GDAP1: variants seen among roughly 807,000 people sequenced by gnomAD.
GDAP1 encodes the protein ganglioside-induced differentiation-associated protein 1.
A neutral mutation model predicts 40.1 loss-of-function variants in GDAP1; 34 were observed. That is an observed-to-expected ratio of 0.85 (90% CI 0.64 to 1.13). GDAP1 has a LOEUF of 1.13. GDAP1 is among the 50% of genes most tolerant of loss of function. The pLI is 0.00. For missense variants in GDAP1, 374 were observed against 433.7 expected (o/e 0.86, Z 1.22); for synonymous variants, 170 against 157.4 (o/e 1.08, Z -0.60).
At chr8:74,356,702 G>GTATATATATATA (rs1165545008) in intron 2 of GDAP1, among the ~76,000 whole-genome samples, 1 of 68,172 alleles carries the variant, frequency 1.5e-5, no homozygotes, top group African/African-American at 5.7e-5. Context: ...TTGTGTGTGT[G>GTATATATATATA]TATATATATA....
chr8:74,407,343 G>A (rs1805653462), intron 2 of GDAP1, among the ~76,000 whole-genome samples: 1 of 149,818 alleles, frequency 6.7e-6, no homozygotes, highest in African/African-American at 2.6e-5. Context: ...GTTGCCAGAG[G>A]AAATTAACAT....
At chr8:74,355,928 A>G (rs1409110022) in intron 2 of GDAP1, among the ~76,000 whole-genome samples, 1 of 152,130 alleles carries the variant, frequency 6.6e-6, no homozygotes, top group Non-Finnish European at 1.5e-5. Context: ...AAATTTATAG[A>G]TACAATGTTA....
At chr8:74,457,233 C>T (rs1257068685) in intron 2 of GDAP1, among the ~76,000 whole-genome samples, 1 of 152,004 alleles carries the variant, frequency 6.6e-6, no homozygotes, top group Non-Finnish European at 1.5e-5. Context: ...GTACCCTTTC[C>T]GCAGATCATT....
In GDAP1 at chr8:74,364,348, C is replaced by A; in HGVS notation, c.1058C>A (p.Pro353His). ...GGCAGCATGATATTAGCATTTAGAC[C>A]CAGACCAAATTATTTCTAGGTTTGT... ...RLGSMILAFR[P>H]RPNYF The change falls in exon 6 of 6, where the codon CCC becomes CAC. Residue 353 changes from proline (P) to histidine (H), a missense_variant. Transcript: ENST00000220822. 2 of 1,613,760 alleles carry A rather than the reference C, an allele frequency of 1.2e-6. No individual in the cohort carries two copies. The highest frequency in any genetic ancestry group is 8.5e-7 in the Non-Finnish European group (1 of 1,179,940).
In GDAP1 at chr8:74,365,293, C is replaced by A. The variant is rs1487448268; in HGVS notation, c.*926C>A. 2 of 454,072 alleles carry A rather than the reference C, an allele frequency of 4.4e-6. No individual in the cohort carries two copies. The highest frequency in any genetic ancestry group is 8.8e-6 in the Non-Finnish European group (2 of 226,782). The allele number at this position is 454,072 out of a possible 1,614,324, so 28.1% of individuals were successfully genotyped here. ...TCTTTCATCTGTTTATGATCATCAA[C>A]AAAGACTTGTTAGAAAGGTCTAGTC... On this transcript the variant is annotated 3_prime_UTR_variant, in exon 6 of 6. Transcript: ENST00000220822.
chr8:74,406,708 A>C (rs1220791642), intron 2 of GDAP1, among the ~76,000 whole-genome samples: 1 of 150,022 alleles, frequency 6.7e-6, no homozygotes, highest in Non-Finnish European at 1.5e-5. Flanking sequence ...TAAATGGTGA[A>C]GTTTGCATAG....
At chr8:74,357,123 A>G (rs1387568552) in intron 2 of GDAP1, among the ~76,000 whole-genome samples, 1 of 152,240 alleles carries the variant, frequency 6.6e-6, no homozygotes. Context: ...ATACAGTCTA[A>G]GTAAAATAAA....
At chr8:74,401,126 T>C (rs1810326236) in intron 2 of GDAP1, among the ~76,000 whole-genome samples, 2 of 149,374 alleles carry the variant, frequency 1.3e-5, no homozygotes, top group South Asian at 4.2e-4. Context: ...GAAGTTCTCC[T>C]GGATAATATC....
At chr8:74,432,279 C>T (rs1300305304) in intron 2 of GDAP1, among the ~76,000 whole-genome samples, 1 of 152,172 alleles carries the variant, frequency 6.6e-6, no homozygotes, top group Non-Finnish European at 1.5e-5. Flanking sequence ...TTGGATTTCT[C>T]ACTTGCTGAG....
intron 2 of GDAP1, among the ~76,000 whole-genome samples, chr8:74,482,757 C>A (rs949469853): frequency 6.6e-6 from 1 of 152,122 alleles, no homozygotes; most frequent in Non-Finnish European, 1.5e-5. Context: ...AATATTTGAG[C>A]CTGTGATTCT....
chr8:74,364,523 CA>C lies in GDAP1; in HGVS notation c.*158del. 1 of 778,218 alleles carries C rather than the reference CA, an allele frequency of 1.3e-6. No individual in the cohort carries two copies. The highest frequency in any genetic ancestry group is 2.2e-6 in the Non-Finnish European group (1 of 452,044). The allele number at this position is 778,218 out of a possible 1,614,324, so 48.2% of individuals were successfully genotyped here. A position where few individuals can be genotyped will look rare whatever the true frequency, so the allele number is the denominator to read the frequency against. On this transcript the variant is annotated 3_prime_UTR_variant, in exon 6 of 6. Transcript: ENST00000220822. The stretch of plus-strand genomic sequence containing the variant: ...TTACACAACACAGGGGTTCAGGTAG[CA>C]ATAGGACACAAAATTGCTTTATTCT...
intron 2 of GDAP1, among the ~76,000 whole-genome samples, chr8:74,439,417 A>G (rs888721081): frequency 6.6e-6 from 1 of 151,868 alleles, no homozygotes; most frequent in Non-Finnish European, 1.5e-5. Context: ...AAATTTTCGT[A>G]TGTGTGTAGG....
chr8:74,372,863 T>A (rs1451279868), intron 2 of GDAP1, among the ~76,000 whole-genome samples: 6 of 152,186 alleles, frequency 3.9e-5, no homozygotes, highest in Admixed American at 1.3e-4. Flanking sequence ...CTGAATGGTA[T>A]TGCCTAGGTT....
intron 5 of GDAP1, among the ~76,000 whole-genome samples, chr8:74,363,264 G>A (rs1449252887): frequency 6.6e-6 from 1 of 152,158 alleles, no homozygotes; most frequent in African/African-American, 2.4e-5. Flanking sequence ...GGATTTTTCT[G>A]CATAATTTAA....
intron 2 of GDAP1, among the ~76,000 whole-genome samples, chr8:74,482,745 G>A (rs1445745320): frequency 6.6e-6 from 1 of 152,176 alleles, no homozygotes; most frequent in Non-Finnish European, 1.5e-5. Context: ...TGGATAAATA[G>A]AAATATTTGA....
intron 2 of GDAP1, among the ~76,000 whole-genome samples, chr8:74,476,693 TTC>T: frequency 6.6e-6 from 1 of 152,196 alleles, no homozygotes; most frequent in South Asian, 2.1e-4. Flanking sequence ...GACCTGTCCT[TTC>T]TCTCTTGCTG....
rs1251098424 is a variant in GDAP1, at chr8:74,365,849, T to TC, written c.*1482_*1483insC. The TC allele has an allele frequency of 2.2e-6, 1 of 453,136 alleles. No individual in the cohort carries two copies. Among genetic ancestry groups the TC allele is most frequent in the Non-Finnish European group, 4.4e-6 (1 of 226,786 alleles). The allele number at this position is 453,136 out of a possible 1,614,324, so 28.1% of individuals were successfully genotyped here. A position where few individuals can be genotyped will look rare whatever the true frequency, so the allele number is the denominator to read the frequency against. ...TCAAACAATAATTGAGTAGCAGCTT[T>TC]TATAACATTTAAAATTTGCACATGA... On this transcript the variant is annotated 3_prime_UTR_variant, in exon 6 of 6. Transcript: ENST00000220822.
intron 2 of GDAP1, among the ~76,000 whole-genome samples, chr8:74,388,402 G>T (rs1424859186): frequency 6.6e-6 from 1 of 152,076 alleles, no homozygotes; most frequent in Non-Finnish European, 1.5e-5. Flanking sequence ...TGGTTTAAAA[G>T]AACTTATTTA....
At position 74,351,279 on chromosome 8, in the gene GDAP1, C is replaced by T. The variant is rs1395874165; in HGVS notation, c.123C>T (p.Arg41=). ...ACCAGTGTGAACTCTTCCAGGTGCG[C>T]TTGGTAATTGCTGAAAAGGCATTGA... ...WTHSFSSQKV[R]LVIAEKALKC... is the part of the protein sequence containing the mutation. Residue 41 remains arginine, a synonymous_variant, in exon 2 of 6, where the codon CGC becomes CGT. Coordinates refer to ENST00000220822, the MANE Select transcript of GDAP1 (RefSeq NM_018972.4). 2 of 1,613,684 alleles carry T rather than the reference C, an allele frequency of 1.2e-6. No individual in the cohort carries two copies. The highest frequency in any genetic ancestry group is 2.7e-5 in the African/African-American group (2 of 74,924).
Sources: allele counts gnomAD v4.1 joint callset (sites outside exome capture counted in the v4.1 genomes callset), GRCh38; gene constraint gnomAD v4.1.1; transcripts MANE v1.5; gene names NCBI Gene and HGNC (gene_info 2026-07-23, HGNC 2026-07-21).